INTS3: variants seen among roughly 807,000 people sequenced by gnomAD.
The protein encoded by INTS3 is SOSS complex subunit A.
Under a neutral mutation model 146.3 loss-of-function variants are expected in INTS3, and 34 were observed. That is an observed-to-expected ratio of 0.23 (90% CI 0.18 to 0.31). INTS3 has a LOEUF of 0.31. Ranked by LOEUF, INTS3 falls within the 10% of genes least tolerant of loss-of-function variation. The pLI is 1.00. For synonymous variants in INTS3, 475 were observed against 494.9 expected, an observed-to-expected ratio of 0.96 and a Z score of 0.53; for missense variants, 757 against 1,304.2, an observed-to-expected ratio of 0.58 and a Z score of 6.46.
intron 15 of INTS3, 114 bp downstream of exon 15, chr1:153,762,961 T>C (rs550461630): frequency 6.5e-6 from 9 of 1,385,054 alleles, no homozygotes; most frequent in Admixed American, 2.1e-5. Context: ...AGTTAAAGTT[T>C]TGTTCACAGG....
At chr1:153,742,284 T>C (rs1161285302) in intron 3 of INTS3, among the ~76,000 whole-genome samples, 1 of 152,238 alleles carries the variant, frequency 6.6e-6, no homozygotes, top group Non-Finnish European at 1.5e-5. Context: ...CTTGTCGAGT[T>C]AAATTGCTGT....
rs200369904 is a variant in INTS3, at chr1:153,771,873, G to A, written c.2630G>A (p.Arg877Gln). The change falls in exon 26 of 30, where the codon CGG (arginine) becomes CAG (glutamine). Residue 877 changes from arginine (R) to glutamine (Q), a missense_variant. This residue lies in a region of INTS3 where 116 missense variants were observed against 226.5 expected (regional missense o/e 0.51). Coordinates refer to ENST00000318967, the MANE Select transcript of INTS3 (RefSeq NM_023015.5). ...PDDQFTTSIL[R>Q]HWCMKHDELL... ...GACCAGTTCACCACCAGCATCCTGCGGCACTGGTGCATGAAACATGACGAG... is the reference window on the plus strand; with the variant it reads ...GACCAGTTCACCACCAGCATCCTGCAGCACTGGTGCATGAAACATGACGAG... 6.2e-6 allele frequency: 10 copies of A among 1,614,122 alleles called. No homozygotes were observed. Among genetic ancestry groups the A allele is most frequent in the Admixed American group, 1.7e-5 (1 of 60,028 alleles).
intron 5 of INTS3, chr1:153,748,212 C>T: frequency 6.1e-6 from 1 of 163,920 alleles, no homozygotes; most frequent in Admixed American, 5.8e-5. Context: ...TTCTGCCCCA[C>T]AGAGTTTCAT....
intron 25 of INTS3, among the ~76,000 whole-genome samples, 177 bp downstream of exon 25, chr1:153,770,910 C>T (rs1342725392): frequency 1.3e-5 from 2 of 152,178 alleles, no homozygotes; most frequent in African/African-American, 2.4e-5. Context: ...GGGATCTGGG[C>T]TTCCTCTCGA....
intron 1 of INTS3, among the ~76,000 whole-genome samples, chr1:153,736,753 C>T (rs1671305898): frequency 7.9e-6 from 1 of 126,432 alleles, no homozygotes; most frequent in South Asian, 2.6e-4. Context: ...GTCCAATTGT[C>T]TTTCATTCTT....
At chr1:153,736,502 A>C (rs529282028) in intron 1 of INTS3, among the ~76,000 whole-genome samples, 8 of 150,406 alleles carry the variant, frequency 5.3e-5, no homozygotes, top group Non-Finnish European at 8.9e-5. Context: ...GCTGGAGTGC[A>C]GTGGCGCAAT....
chr1:153,744,402 C>T (rs1382301711), intron 3 of INTS3, among the ~76,000 whole-genome samples: 1 of 152,204 alleles, frequency 6.6e-6, no homozygotes, highest in Non-Finnish European at 1.5e-5. Context: ...CCTTTGTCCT[C>T]TGCCCATTCT....
At chr1:153,762,916 C>T (rs1314622311) in intron 15 of INTS3, 69 bp downstream of exon 15, 5 of 1,571,196 alleles carry the variant, frequency 3.2e-6, no homozygotes, top group Non-Finnish European at 4.3e-6. Flanking sequence ...CAGAAGCAGC[C>T]TCTCTGCACT....
intron 7 of INTS3, 122 bp from the exon 8 acceptor site, chr1:153,752,157 G>T (rs1431655600): frequency 2.0e-6 from 2 of 995,952 alleles, no homozygotes; most frequent in African/African-American, 1.6e-5. Context: ...AGAAATCATA[G>T]TTTCTTCAAC....
chr1:153,746,354 G>A (rs1671735300), intron 3 of INTS3, among the ~76,000 whole-genome samples: 1 of 152,224 alleles, frequency 6.6e-6, no homozygotes. Context: ...AAGTGGGGGG[G>A]ACAGGGATAG....
intron 3 of INTS3, among the ~76,000 whole-genome samples, chr1:153,742,437 G>C (rs1229500353): frequency 6.6e-6 from 1 of 150,780 alleles, no homozygotes; most frequent in East Asian, 1.9e-4. Context: ...AGATGGGATG[G>C]AGTTAAAGTT....
chr1:153,749,946 T>TAA (rs1025224996), intron 6 of INTS3, among the ~76,000 whole-genome samples: 1 of 152,232 alleles, frequency 6.6e-6, no homozygotes, highest in African/African-American at 2.4e-5. Flanking sequence ...CCAAAAAACT[T>TAA]ACATCTTTTG....
chr1:153,756,426 C>T (rs1386944485), intron 9 of INTS3, among the ~76,000 whole-genome samples: 1 of 150,826 alleles, frequency 6.6e-6, no homozygotes, highest in African/African-American at 2.4e-5. Flanking sequence ...CCCAGCTTCT[C>T]AGGAGGCTGT....
In INTS3 at chr1:153,752,336, A is replaced by G; in HGVS notation, c.787A>G (p.Arg263Gly). 1.2e-6 allele frequency: 2 copies of G among 1,613,564 alleles called. No individual in the cohort carries two copies. Among genetic ancestry groups the G allele is most frequent in the Admixed American group, 3.3e-5 (2 of 60,000 alleles). Reference protein sequence around the residue: ...DLVRLLQNVARIPEFELLWKD... With the variant: ...DLVRLLQNVAGIPEFELLWKD... ...CGTAAGACTACTTCAGAATGTTGCT[A>G]GGATACCAGAATTTGAACTGCTTTG... is the stretch of plus-strand genomic sequence containing the variant. The change falls in exon 8 of 30, where the codon AGG becomes GGG. Residue 263 changes from arginine to glycine, a missense_variant. Arg to Gly is a moderately radical substitution (Grantham distance 125). This residue lies in a region of INTS3 where 134 missense variants were observed against 243.1 expected (regional missense o/e 0.55). Transcript: ENST00000318967.
At chr1:153,739,564 C>A (rs1671439074) in intron 1 of INTS3, among the ~76,000 whole-genome samples, 2 of 150,034 alleles carry the variant, frequency 1.3e-5, no homozygotes, top group Non-Finnish European at 3.0e-5. Context: ...GAACTCCCCA[C>A]CTCTGGTGAT....
intron 1 of INTS3, among the ~76,000 whole-genome samples, chr1:153,730,039 G>A (rs1343352916): frequency 2.0e-5 from 3 of 152,048 alleles, no homozygotes; most frequent in African/African-American, 7.3e-5. Flanking sequence ...ATTAGAGGGT[G>A]GGCAGGCAGA....
At chr1:153,764,654 T>A (rs760603985) in intron 18 of INTS3, 36 bp from the exon 19 acceptor site, 6 of 1,530,198 alleles carry the variant, frequency 3.9e-6, no homozygotes, top group Non-Finnish European at 4.5e-6. Flanking sequence ...GCAGCCCCCC[T>A]CACATGGATT....
intron 18 of INTS3, 57 bp from the exon 19 acceptor site, chr1:153,764,633 C>T (rs368341344): frequency 1.4e-5 from 18 of 1,294,346 alleles, no homozygotes; most frequent in East Asian, 2.3e-5. Flanking sequence ...GCTGGTCCTC[C>T]GTATGTGCCA....
intron 5 of INTS3, 137 bp from the exon 6 acceptor site, chr1:153,748,552 G>A (rs955363259): frequency 1.3e-6 from 1 of 758,594 alleles, no homozygotes. Flanking sequence ...CAGAACAGAA[G>A]GCAGTTTATC....
Sources: gnomAD v4.1 joint callset for allele counts (sites outside exome capture counted in the v4.1 genomes callset) on GRCh38, gnomAD v4.1.1 for gene constraint, gnomAD v4.1.1 regional missense constraint, MANE v1.5 for transcripts, NCBI Gene and HGNC (gene_info 2026-07-23, HGNC 2026-07-21) for gene names.